The following PHACTR1 variants were observed in gnomAD, a reference collection of about 807,000 sequenced individuals.
PHACTR1 encodes the protein phosphatase and actin regulator 1.
PHACTR1 carries 16 observed loss-of-function variants against 69.2 expected under a neutral mutation model. The ratio of observed to expected loss-of-function variants is 0.23; its 90% CI spans 0.16 to 0.35. The LOEUF is 0.35. Among genes scored for constraint, PHACTR1 ranks in the 10% least tolerant of loss-of-function variants. The pLI, the probability that PHACTR1 is intolerant of heterozygous loss-of-function variation, is 1.00. For synonymous variants in PHACTR1, 312 were observed against 284.5 expected, an observed-to-expected ratio of 1.10 and a Z score of -0.97; for missense variants, 510 against 734.7, an observed-to-expected ratio of 0.69 and a Z score of 3.54.
chr6:13,244,637 A>G (rs1773334669), intron 10 of PHACTR1, among the ~76,000 whole-genome samples: 1 of 152,236 alleles, frequency 6.6e-6, no homozygotes, highest in Non-Finnish European at 1.5e-5. Context: ...TTGCTTTTGA[A>G]GGAAGAGAAA....
chr6:13,180,812 G>A (rs948775852), intron 6 of PHACTR1, among the ~76,000 whole-genome samples: 3 of 152,092 alleles, frequency 2.0e-5, no homozygotes, highest in South Asian at 2.1e-4. Flanking sequence ...ATGGGATAGC[G>A]ACACACTGAC....
intron 6 of PHACTR1, among the ~76,000 whole-genome samples, chr6:13,171,068 G>T (rs957896514): frequency 1.8e-4 from 27 of 152,346 alleles, no homozygotes; most frequent in African/African-American, 6.0e-4. Context: ...GCTTAGAGCA[G>T]GTACTCGATC....
chr6:13,249,906 T>G (rs1347713057), intron 10 of PHACTR1, among the ~76,000 whole-genome samples: 2 of 152,200 alleles, frequency 1.3e-5, no homozygotes, highest in African/African-American at 4.8e-5. Context: ...TTTATGTGGT[T>G]CTGCTCCACT....
intron 4 of PHACTR1, among the ~76,000 whole-genome samples, chr6:12,958,873 T>A (rs750681884): frequency 6.6e-6 from 1 of 152,140 alleles, no homozygotes; most frequent in African/African-American, 2.4e-5. Flanking sequence ...ATGTATCTGA[T>A]AGAAACAACT....
At chr6:12,827,482 G>C (rs2127721085) in intron 4 of PHACTR1, among the ~76,000 whole-genome samples, 1 of 152,250 alleles carries the variant, frequency 6.6e-6, no homozygotes. Context: ...CTTATTTTAA[G>C]ATATATCCAT....
At chr6:12,892,569 A>G (rs2127470446) in intron 4 of PHACTR1, among the ~76,000 whole-genome samples, 1 of 152,358 alleles carries the variant, frequency 6.6e-6, no homozygotes, top group South Asian at 2.1e-4. Context: ...TCTTATCTAA[A>G]TGTTTTGTTT....
intron 5 of PHACTR1, among the ~76,000 whole-genome samples, chr6:13,081,348 G>A (rs981082486): frequency 5.9e-5 from 9 of 152,096 alleles, no homozygotes; most frequent in Non-Finnish European, 8.8e-5. Flanking sequence ...TTAAAACAAC[G>A]AATTTAAGAG....
intron 4 of PHACTR1, among the ~76,000 whole-genome samples, chr6:12,907,197 T>A (rs1236209011): frequency 6.6e-6 from 1 of 152,260 alleles, no homozygotes; most frequent in Non-Finnish European, 1.5e-5. Flanking sequence ...TACAAAATTC[T>A]CTTTGGTTAG....
chr6:13,169,623 G>A (rs926739173), intron 6 of PHACTR1, among the ~76,000 whole-genome samples: 2 of 152,300 alleles, frequency 1.3e-5, no homozygotes, highest in African/African-American at 4.8e-5. Flanking sequence ...ACAAGAGACT[G>A]TTGCTCAGCT....
chr6:12,720,902 G>A (rs962026509), intron 3 of PHACTR1, among the ~76,000 whole-genome samples: 1 of 152,216 alleles, frequency 6.6e-6, no homozygotes, highest in Admixed American at 6.5e-5. Context: ...CTAGAGGCAG[G>A]ATGACATAGT....
At chr6:12,746,385 T>C (rs574269779) in intron 3 of PHACTR1, among the ~76,000 whole-genome samples, 1 of 152,130 alleles carries the variant, frequency 6.6e-6, no homozygotes, top group Admixed American at 6.5e-5. Flanking sequence ...AATATAAAAA[T>C]TAGCCAGGCT....
intron 5 of PHACTR1, among the ~76,000 whole-genome samples, chr6:13,146,943 A>G (rs1382133047): frequency 1.3e-5 from 2 of 152,198 alleles, no homozygotes. Flanking sequence ...ACACCCTCTT[A>G]CAAGTAATAC....
intron 4 of PHACTR1, among the ~76,000 whole-genome samples, chr6:12,821,352 A>C (rs1016532742): frequency 6.6e-6 from 1 of 151,514 alleles, no homozygotes; most frequent in Non-Finnish European, 1.5e-5. Flanking sequence ...AATTCTAACT[A>C]TTCAGGAAGC....
At chr6:12,982,579 T>C (rs1795654034) in intron 4 of PHACTR1, among the ~76,000 whole-genome samples, 1 of 152,168 alleles carries the variant, frequency 6.6e-6, no homozygotes, top group Non-Finnish European at 1.5e-5. Context: ...CTCGGGAGGC[T>C]GAGGCAGAGA....
chr6:12,914,934 A>T (rs964457945), intron 4 of PHACTR1, among the ~76,000 whole-genome samples: 1 of 152,142 alleles, frequency 6.6e-6, no homozygotes, highest in African/African-American at 2.4e-5. Flanking sequence ...TCCACACCAG[A>T]GCTGATCAAC....
At chr6:13,117,109 A>G (rs1401856196) in intron 5 of PHACTR1, among the ~76,000 whole-genome samples, 2 of 152,196 alleles carry the variant, frequency 1.3e-5, no homozygotes, top group African/African-American at 4.8e-5. Context: ...AAGGTGTCCC[A>G]TGGGAAGAAG....
intron 6 of PHACTR1, among the ~76,000 whole-genome samples, chr6:13,176,838 A>T (rs1761384782): frequency 6.6e-6 from 1 of 152,248 alleles, no homozygotes; most frequent in East Asian, 1.9e-4. Context: ...TTAAATAAGG[A>T]TTTCTTAGCT....
intron 3 of PHACTR1, among the ~76,000 whole-genome samples, chr6:12,741,775 A>AT (rs1486207304): frequency 4.6e-5 from 7 of 151,750 alleles, no homozygotes. Flanking sequence ...CTCCAAAAAA[A>AT]AAAAAAAATC....
intron 4 of PHACTR1, among the ~76,000 whole-genome samples, chr6:13,000,317 G>A (rs1797918942): frequency 6.6e-6 from 1 of 152,174 alleles, no homozygotes; most frequent in Admixed American, 6.5e-5. Context: ...GGAGGCCAAG[G>A]CCAGAGGATC....
Sources: gnomAD v4.1 joint callset for allele counts (sites outside exome capture counted in the v4.1 genomes callset) on GRCh38, gnomAD v4.1.1 for gene constraint, MANE v1.5 for transcripts, NCBI Gene and HGNC (gene_info 2026-07-23, HGNC 2026-07-21) for gene names.